Variants in VCPKMT observed in about 807,000 individuals in gnomAD.
VCPKMT encodes the protein protein N-lysine methyltransferase METTL21D.
Under a neutral mutation model 28.6 loss-of-function variants are expected in VCPKMT, and 32 were observed. The observed-to-expected ratio is 1.12, with a 90% CI of 0.84 to 1.50. VCPKMT has a LOEUF of 1.50. VCPKMT is among the 40% of genes most tolerant of loss of function. VCPKMT has a pLI of 0.00. For synonymous variants in VCPKMT, 138 were observed against 111.4 expected (o/e 1.24, Z -1.50); for missense variants, 366 against 285.0 (o/e 1.28, Z -2.05).
chr14:50,109,854 G>A, intron 5 of VCPKMT, 141 bp from the exon 6 acceptor site: 1 of 975,536 alleles, frequency 1.0e-6, no homozygotes, highest in South Asian at 1.9e-5. Flanking sequence ...GAACAACCAT[G>A]CATGTTTATA....
intron 5 of VCPKMT, chr14:50,112,183 T>C (rs1008701281): frequency 1.4e-5 from 7 of 490,700 alleles, no homozygotes; most frequent in African/African-American, 1.1e-4. Flanking sequence ...GCTAATAACT[T>C]GTCTGAGGTA....
At chr14:50,107,570 T>C (rs1882373660), downstream of VCPKMT, among the ~76,000 whole-genome samples, 1 of 152,202 alleles carries the variant, frequency 6.6e-6, no homozygotes, top group Admixed American at 6.5e-5. Context: ...TGCCTCGGCA[T>C]ACAGGCGTGA....
intron 5 of VCPKMT, 108 bp from the exon 6 acceptor site, chr14:50,109,821 C>A: frequency 7.8e-7 from 1 of 1,287,422 alleles, no homozygotes; most frequent in South Asian, 1.6e-5. Flanking sequence ...CCTAGTATAA[C>A]AGTGGCTACA....
chr14:50,106,538 G>A, downstream of VCPKMT: 1 of 984,778 alleles, frequency 1.0e-6, no homozygotes, highest in Non-Finnish European at 1.2e-6. Flanking sequence ...TTCTCAGGCT[G>A]GCAGAGTGCA....
intron 4 of VCPKMT, chr14:50,113,262 G>A (rs960054186): frequency 6.6e-6 from 1 of 152,122 alleles, no homozygotes; most frequent in Admixed American, 6.6e-5. Flanking sequence ...CCCAATAAAA[G>A]CTGTTTAACA....
intron 4 of VCPKMT, among the ~76,000 whole-genome samples, 155 bp downstream of exon 4, chr14:50,114,130 G>A (rs923316082): frequency 1.3e-5 from 2 of 152,184 alleles, no homozygotes; most frequent in Non-Finnish European, 2.9e-5. Context: ...AAAAAGGGGA[G>A]CTTCGTAGAA....
chr14:50,103,053 A>AT, the VCPKMT span, among the ~76,000 whole-genome samples: 1 of 152,154 alleles, frequency 6.6e-6, no homozygotes, highest in Non-Finnish European at 1.5e-5. Context: ...TTTTTTTGCA[A>AT]TTTTTTAAAA....
chr14:50,114,311 G>C lies in VCPKMT; in HGVS notation c.544C>G (p.Pro182Ala). ...CYEQRTMGKN[P>A]EIEKKYFELL... Reference sequence around the variant, plus strand: ...TCAAAATATTTTTTCTCAATTTCTGGATTTTTCCCCATTGTTCGTTGTTCA... The same window carrying C: ...TCAAAATATTTTTTCTCAATTTCTGCATTTTTCCCCATTGTTCGTTGTTCA... Residue 182 changes from proline (P) to alanine (A), a missense_variant, in exon 4 of 6, where the codon CCA (proline) becomes GCA (alanine). Coordinates refer to ENST00000395860, the MANE Select transcript of VCPKMT (RefSeq NM_024558.3). 6.3e-7 allele frequency: 1 copy of C among 1,584,014 alleles called. No homozygotes were observed.
chr14:50,107,515 T>C (rs1178791810), downstream of VCPKMT, among the ~76,000 whole-genome samples: 3 of 152,148 alleles, frequency 2.0e-5, no homozygotes, highest in East Asian at 1.9e-4. Context: ...GGTTTCACCA[T>C]GTTGGCCAGG....
downstream of VCPKMT, among the ~76,000 whole-genome samples, chr14:50,104,138 A>G (rs1053442697): frequency 6.6e-6 from 1 of 152,220 alleles, no homozygotes; most frequent in African/African-American, 2.4e-5. Flanking sequence ...CTGTGCTGAC[A>G]CTGTTTTCAG....
intron 4 of VCPKMT, chr14:50,113,233 C>A (rs1882829886): frequency 6.6e-6 from 1 of 152,174 alleles, no homozygotes; most frequent in Non-Finnish European, 1.5e-5. Context: ...GATACATATG[C>A]ATTTTACATA....
chr14:50,110,865 G>T (rs745469829), intron 5 of VCPKMT, among the ~76,000 whole-genome samples: 1 of 152,176 alleles, frequency 6.6e-6, no homozygotes, highest in East Asian at 1.9e-4. Flanking sequence ...TGTAGATAAG[G>T]CTCGAGAATA....
Position 50,115,828 on chromosome 14 carries a change from T to C in VCPKMT, c.450+11A>G. ...TTCTAAGTGAAGAGACTTCGCTCACTGGATACTTACCTCTTCATAGTATAT... is the reference window on the plus strand; with the variant it reads ...TTCTAAGTGAAGAGACTTCGCTCACCGGATACTTACCTCTTCATAGTATAT... On this transcript the variant is annotated intron_variant, in intron 3 of 5. Transcript: ENST00000395860. 1.3e-6 allele frequency: 2 copies of C among 1,593,258 alleles called. No homozygotes were observed. The highest frequency in any genetic ancestry group is 1.7e-5 in the Admixed American group (1 of 59,356).
At chr14:50,111,359 T>G in intron 5 of VCPKMT, 8 of 985,436 alleles carry the variant, frequency 8.1e-6, no homozygotes, top group Non-Finnish European at 9.6e-6. Flanking sequence ...ATAATCCCGC[T>G]GCTGCCTTTT....
At chr14:50,114,225 T>C (rs936931832) in intron 4 of VCPKMT, 60 bp downstream of exon 4, 1 of 1,388,462 alleles carries the variant, frequency 7.2e-7, no homozygotes, top group Non-Finnish European at 9.4e-7. Context: ...ACTTGAAGAG[T>C]CACATACAGC....
chr14:50,115,752 G>A, intron 3 of VCPKMT, 87 bp downstream of exon 3: 1 of 1,463,450 alleles, frequency 6.8e-7, no homozygotes, highest in Non-Finnish European at 9.4e-7. Context: ...ATTCAAAGAT[G>A]TTAAAATGTG....
intron 4 of VCPKMT, 72 bp downstream of exon 4, chr14:50,114,213 A>C (rs1882931438): frequency 2.2e-6 from 3 of 1,336,788 alleles, no homozygotes; most frequent in African/African-American, 1.5e-5. Context: ...TTACCATAAT[A>C]TACTTGAAGA....
intron 4 of VCPKMT, among the ~76,000 whole-genome samples, chr14:50,113,994 C>T (rs941000568): frequency 2.0e-4 from 31 of 152,128 alleles, no homozygotes; most frequent in Admixed American, 4.6e-4. Context: ...GAGATGTTCC[C>T]CAAAGGCAGC....
chr14:50,106,649 A>G (rs1481048805), downstream of VCPKMT: 1 of 985,016 alleles, frequency 1.0e-6, no homozygotes, highest in African/African-American at 1.7e-5. Context: ...ATCCAGCCAG[A>G]AAGAGAAATA....
Sources: allele counts gnomAD v4.1 joint callset (sites outside exome capture counted in the v4.1 genomes callset), GRCh38; gene constraint gnomAD v4.1.1; transcripts MANE v1.5; gene names NCBI Gene and HGNC (gene_info 2026-07-23, HGNC 2026-07-21).